Variants in YDJC observed in about 807,000 individuals in gnomAD.
YDJC encodes the protein YdjC chitooligosaccharide deacetylase homolog, also known as carbohydrate deacetylase.
Under a neutral mutation model 18.9 loss-of-function variants are expected in YDJC, and 23 were observed. That is an observed-to-expected ratio of 1.22 (90% CI 0.87 to 1.72). YDJC has a LOEUF of 1.72. Among genes scored for constraint, YDJC ranks in the 40% most tolerant of loss-of-function variants. The pLI is 0.00. For missense variants in YDJC, 467 were observed against 470.8 expected, an observed-to-expected ratio of 0.99 and a Z score of 0.07; for synonymous variants, 224 against 217.6, an observed-to-expected ratio of 1.03 and a Z score of -0.26.
chr22:21,629,053 C>T lies in YDJC; in HGVS notation c.559G>A (p.Asp187Asn). Reference sequence around the variant, plus strand: ...AAGGGGCCCACGGCGGCCCGGGCGTCGCGCTCCACGGCGCAGGCGAAGGCA... The same window carrying T: ...AAGGGGCCCACGGCGGCCCGGGCGTTGCGCTCCACGGCGCAGGCGAAGGCA... The part of the protein sequence containing the change: ...ARAFACAVER[D>N]ARAAVGPFSR... Residue 187 changes from aspartate to asparagine, a missense_variant, in exon 4 of 5, where the codon GAC (aspartate) becomes AAC (asparagine). Transcript: ENST00000292778. 2 of 1,514,704 alleles carry T rather than the reference C, an allele frequency of 1.3e-6. No homozygotes were observed. The highest frequency in any genetic ancestry group is 1.8e-6 in the Non-Finnish European group (2 of 1,137,838). The allele number at this position is 1,514,704 out of a possible 1,614,324, so 93.8% of individuals were successfully genotyped here. A position where few individuals can be genotyped will look rare whatever the true frequency, so the allele number is the denominator to read the frequency against.
rs765448995 is a variant in YDJC, at chr22:21,629,990, C to A, written c.25G>T (p.Val9Leu). Residue 9 changes from valine (V) to leucine (L), a missense_variant, in exon 1 of 5, where the codon GTG becomes TTG. Coordinates refer to ENST00000292778, the MANE Select transcript of YDJC (RefSeq NM_001017964.2). ...TAACCAAAGTCGTCCGCGGTGACCA[C>A]CAGGCGCATGCGAGGGCGGGACATG... MSRPRMRL[V>L]VTADDFGYCP... 81 of 1,600,166 alleles carry A rather than the reference C, an allele frequency of 5.1e-5. No individual in the cohort carries two copies. The Admixed American group carries it at 1.4e-3, about 27-fold the overall frequency.
Position 21,629,544 on chromosome 22 carries a change from C to T in YDJC, c.324+58G>A, listed in dbSNP as rs761912034. 8.1e-6 allele frequency: 13 copies of T among 1,610,006 alleles called. 1 individual carries two copies. In the South Asian group the frequency reaches 1.1e-4, roughly 14 times the overall value. On this transcript the variant is annotated intron_variant, in intron 2 of 4. Coordinates refer to ENST00000292778, the MANE Select transcript of YDJC (RefSeq NM_001017964.2). ...CAGCTCCTAACGGCCTCACAGTACC[C>T]TCCGGGCGGAGCTCTGGGGGTCCTC...
At chr22:21,629,436 C>T (rs951535209) in intron 2 of YDJC, 29 bp from the exon 3 acceptor site, 2 of 1,540,054 alleles carry the variant, frequency 1.3e-6, no homozygotes, top group African/African-American at 1.4e-5. Context: ...ACACCTTGAG[C>T]GACCGGGAGT....
In YDJC at chr22:21,628,588, A is replaced by G; in HGVS notation, c.802T>C (p.Trp268Arg). The G allele has an allele frequency of 6.2e-7, 1 of 1,607,726 alleles. No individual in the cohort carries two copies. Among genetic ancestry groups the G allele is most frequent in the Non-Finnish European group, 8.5e-7 (1 of 1,176,686 alleles). Residue 268 changes from tryptophan to arginine, a missense_variant, in exon 5 of 5, where the codon TGG becomes CGG. Trp to Arg is a moderately radical substitution (Grantham distance 101). Coordinates refer to ENST00000292778, the MANE Select transcript of YDJC (RefSeq NM_001017964.2). ...GEGPDAFSCS[W>R]ERLHELRVLT... Reference sequence around the variant, plus strand: ...ACGCGCAGCTCATGCAGCCGCTCCCAAGAGCAAGAGAAAGCGTCGGGGCCT... The same window carrying G: ...ACGCGCAGCTCATGCAGCCGCTCCCGAGAGCAAGAGAAAGCGTCGGGGCCT...
rs1431835042 is a variant in YDJC at position 21,628,651 on chromosome 22, C to T, written c.739G>A (p.Gly247Ser). The T allele has an allele frequency of 2.5e-5, 39 of 1,580,992 alleles. No homozygotes were observed. Among genetic ancestry groups the T allele is most frequent in the Non-Finnish European group, 3.2e-5 (37 of 1,165,492 alleles). ...CCGGTGGGAGGCACACTGGGGTAGC[C>T]GGGGTGCGCCATCAGCTCGGCTGTC... ...TLTAELMAHPGYPSVPPTGGC... is the reference protein window; with the variant it reads ...TLTAELMAHPSYPSVPPTGGC... Residue 247 changes from glycine to serine, a missense_variant, in exon 5 of 5, where the codon GGC becomes AGC. By Grantham distance (56) the Gly-to-Ser change is moderately conservative. Coordinates refer to ENST00000292778, the MANE Select transcript of YDJC (RefSeq NM_001017964.2).
intron 2 of YDJC, 33 bp from the exon 3 acceptor site, chr22:21,629,440 CG>C: frequency 6.5e-7 from 1 of 1,538,530 alleles, no homozygotes; most frequent in Non-Finnish European, 8.8e-7. Flanking sequence ...CTTGAGCGAC[CG>C]GGAGTAGCTG....
Position 21,629,313 on chromosome 22 carries a change from A to G in YDJC, c.419T>C (p.Leu140Pro). The G allele has an allele frequency of 6.4e-7, 1 of 1,550,460 alleles. No homozygotes were observed. Among genetic ancestry groups the G allele is most frequent in the Non-Finnish European group, 8.7e-7 (1 of 1,146,878 alleles). The change falls in exon 3 of 5, where the codon CTC (leucine) becomes CCC (proline). Residue 140 changes from leucine (L) to proline (P), a missense_variant. By Grantham distance (98) the Leu-to-Pro change is moderately conservative (BLOSUM62 -3). Transcript: ENST00000292778. ...TGGGATCACTAACCACGCACCTGGG[A>G]GCACGTGCACGTGCTGGTGCCCGTC... ...HADGHQHVHVLPGVCQVFAEA... is the reference protein window; with the variant it reads ...HADGHQHVHVPPGVCQVFAEA...
chr22:21,629,844 C>A lies in YDJC; in HGVS notation c.164+7G>T. On this transcript the variant is annotated splice_region_variant and intron_variant, in intron 1 of 4. Coordinates refer to ENST00000292778, the MANE Select transcript of YDJC (RefSeq NM_001017964.2). ...GATCGCCGCCCTGCTAGAGGCCCTC[C>A]CCTCACCTGCGGGCCAGCTCCGCCG... is the stretch of plus-strand genomic sequence containing the variant. 1 of 1,543,786 alleles carries A rather than the reference C, an allele frequency of 6.5e-7. No homozygotes were observed. Among genetic ancestry groups the A allele is most frequent in the South Asian group, 1.2e-5 (1 of 84,660 alleles).
In YDJC at chr22:21,629,359, C is replaced by T; in HGVS notation, c.373G>A (p.Gly125Ser). The T allele has an allele frequency of 6.5e-7, 1 of 1,550,098 alleles. No homozygotes were observed. The highest frequency in any genetic ancestry group is 1.4e-5 in the African/African-American group (1 of 73,180). ...CCGTCCGCGTGCGTGGGGGCCCTGCCCAGCAGCTCCCGGAAGCAGCTTAGT... is the reference window on the plus strand; with the variant it reads ...CCGTCCGCGTGCGTGGGGGCCCTGCTCAGCAGCTCCCGGAAGCAGCTTAGT... The part of the protein sequence containing the change: ...AQLSCFRELL[G>S]RAPTHADGHQ... The change falls in exon 3 of 5, where the codon GGC (glycine) becomes AGC (serine). Residue 125 changes from glycine to serine, a missense_variant. Coordinates refer to ENST00000292778, the MANE Select transcript of YDJC (RefSeq NM_001017964.2).
At position 21,628,179 on chromosome 22, in the gene YDJC, C is replaced by T. The variant is rs1930314375; in HGVS notation, c.*239G>A. On this transcript the variant is annotated 3_prime_UTR_variant, in exon 5 of 5. Coordinates refer to ENST00000292778, the MANE Select transcript of YDJC (RefSeq NM_001017964.2). ...TTTGCATTGCAACATGGAGGGGCAC[C>T]AAATGCTCTGCGGGCCCTAGCCCGC... is the stretch of plus-strand genomic sequence containing the variant. 1 of 424,284 alleles carries T rather than the reference C, an allele frequency of 2.4e-6. No homozygotes were observed. Among genetic ancestry groups the T allele is most frequent in the East Asian group, 3.7e-5 (1 of 27,378 alleles). The allele number at this position is 424,284 out of a possible 1,614,324, so 26.3% of individuals were successfully genotyped here. A position where few individuals can be genotyped will look rare whatever the true frequency, so the allele number is the denominator to read the frequency against.
chr22:21,629,435 G>C, intron 2 of YDJC, 28 bp from the exon 3 acceptor site: 3 of 1,541,408 alleles, frequency 1.9e-6, no homozygotes, highest in Non-Finnish European at 2.6e-6. Context: ...GACACCTTGA[G>C]CGACCGGGAG....
In YDJC at chr22:21,628,257, C is replaced by T; in HGVS notation, c.*161G>A. 2.9e-6 allele frequency: 3 copies of T among 1,030,822 alleles called. No homozygotes were observed. The highest frequency in any genetic ancestry group is 3.3e-4 in the Middle Eastern group (1 of 3,046). The allele number at this position is 1,030,822 out of a possible 1,614,324, so 63.9% of individuals were successfully genotyped here. A position where few individuals can be genotyped will look rare whatever the true frequency, so the allele number is the denominator to read the frequency against. On this transcript the variant is annotated 3_prime_UTR_variant, in exon 5 of 5. Coordinates refer to ENST00000292778, the MANE Select transcript of YDJC (RefSeq NM_001017964.2). ...AAGAAGGCTGCTCAAACTCTAGATGCCATTTGGAGGCATGAGGACCTGAGC... is the reference window on the plus strand; with the variant it reads ...AAGAAGGCTGCTCAAACTCTAGATGTCATTTGGAGGCATGAGGACCTGAGC...
intron 4 of YDJC, 74 bp downstream of exon 4, chr22:21,628,936 A>G: frequency 7.0e-7 from 1 of 1,429,042 alleles, no homozygotes; most frequent in South Asian, 1.5e-5. Flanking sequence ...AGAAACGGAC[A>G]CAGCTAGCCA....
In YDJC at chr22:21,628,419, C is replaced by G; in HGVS notation, c.971G>C (p.Ter324SerextTer35). ...TAGTGCTTGGTTGTCTGTAGGGGGT[C>G]AGAGTAGGGAGGGTTCCAGGAAGGG... Reference protein sequence around the residue: ...LEPFLEPSLL* With the variant: ...LEPFLEPSLLS Residue 324 changes from the stop codon to serine, a stop_lost, in exon 5 of 5, where the codon TGA (stop) becomes TCA (serine). Transcript: ENST00000292778. 1 of 1,536,264 alleles carries G rather than the reference C, an allele frequency of 6.5e-7. No individual in the cohort carries two copies. The highest frequency in any genetic ancestry group is 8.8e-7 in the Non-Finnish European group (1 of 1,137,800).
In YDJC at chr22:21,629,015, G is replaced by T; in HGVS notation, c.597C>A (p.Gly199=). The T allele has an allele frequency of 6.8e-7, 1 of 1,472,450 alleles. No individual in the cohort carries two copies. 91.2% of individuals were successfully genotyped at this position (1,472,450 alleles called of 1,614,324 possible). ...RAAVGPFSRH[G]LRWTDAFVGL... is the part of the protein sequence containing the mutation. Reference sequence around the variant, plus strand: ...GACGGGGCGGGGAGCCTCACCGCAGGCCGTGGCGGGAGAAGGGGCCCACGG... The same window carrying T: ...GACGGGGCGGGGAGCCTCACCGCAGTCCGTGGCGGGAGAAGGGGCCCACGG... The change falls in exon 4 of 5, where the codon GGC becomes GGA. Residue 199 remains glycine, a synonymous_variant. Transcript: ENST00000292778.
chr22:21,629,134 G>A lies in YDJC; in HGVS notation c.478C>T (p.Arg160Ter). Residue 160 changes from arginine to a stop codon, truncating the protein, a stop_gained, in exon 4 of 5, where the codon CGA becomes TGA. Coordinates refer to ENST00000292778, the MANE Select transcript of YDJC (RefSeq NM_001017964.2). LOFTEE classifies it high-confidence loss of function. ...ALQAYGVRFT[R>*]LPLERGVGGC... ...CCCACACCGCGCTCCAGCGGCAGTC[G>A]CGTAAAGCGCACCCCATAGGCCTGC... is the stretch of plus-strand genomic sequence containing the variant. 1 of 1,539,392 alleles carries A rather than the reference G, an allele frequency of 6.5e-7. No homozygotes were observed. The highest frequency in any genetic ancestry group is 8.7e-7 in the Non-Finnish European group (1 of 1,146,396).
rs779240088 is a variant in YDJC, at chr22:21,629,059, C to T, written c.553G>A (p.Glu185Lys). 8 of 1,526,892 alleles carry T rather than the reference C, an allele frequency of 5.2e-6. No homozygotes were observed. In the South Asian group the frequency reaches 9.6e-5, roughly 18 times the overall value. The allele number at this position is 1,526,892 out of a possible 1,614,324, so 94.6% of individuals were successfully genotyped here. A position where few individuals can be genotyped will look rare whatever the true frequency, so the allele number is the denominator to read the frequency against. The change falls in exon 4 of 5, where the codon GAG (glutamate) becomes AAG (lysine). Residue 185 changes from glutamate (E) to lysine (K), a missense_variant. Physicochemically the swap from Glu to Lys is moderately conservative, Grantham distance 56. Coordinates refer to ENST00000292778, the MANE Select transcript of YDJC (RefSeq NM_001017964.2). ...APARAFACAV[E>K]RDARAAVGPF... ...CCCACGGCGGCCCGGGCGTCGCGCT[C>T]CACGGCGCAGGCGAAGGCACGCGCG...
chr22:21,629,640 G>T lies in YDJC; in HGVS notation c.286C>A (p.Arg96=). 1 of 1,612,522 alleles carries T rather than the reference G, an allele frequency of 6.2e-7. No individual in the cohort carries two copies. Among genetic ancestry groups the T allele is most frequent in the Admixed American group, 1.7e-5 (1 of 60,000 alleles). Residue 96 remains arginine (R), a synonymous_variant, in exon 2 of 5, where the codon CGG becomes AGG. Coordinates refer to ENST00000292778, the MANE Select transcript of YDJC (RefSeq NM_001017964.2). ...EGFFLGKMGF[R]EAVAAGDVDL... ...ACGTCTCCGGCCGCCACCGCCTCCC[G>T]GAATCCCATCTTGCCAAGGAAGAAG...
rs983767330 is a variant in YDJC at position 21,628,402 on chromosome 22, G to A, written c.*16C>T. On this transcript the variant is annotated 3_prime_UTR_variant, in exon 5 of 5. Transcript: ENST00000292778. ...CTTGGTACTAAGGGGATTAGTGCTT[G>A]GTTGTCTGTAGGGGGTCAGAGTAGG... 1 of 1,524,234 alleles carries A rather than the reference G, an allele frequency of 6.6e-7. No individual in the cohort carries two copies. The highest frequency in any genetic ancestry group is 1.4e-5 in the African/African-American group (1 of 72,226). 94.4% of individuals were successfully genotyped at this position (1,524,234 alleles called of 1,614,324 possible).
Sources: gnomAD v4.1 joint callset for allele counts on GRCh38, gnomAD v4.1.1 for gene constraint, MANE v1.5 for transcripts, NCBI Gene and HGNC (gene_info 2026-07-23, HGNC 2026-07-21) for gene names.